Variants in SECISBP2 observed in about 807,000 individuals in gnomAD.
SECISBP2 encodes the protein SECIS binding protein 2.
Under a neutral mutation model 98.2 loss-of-function variants are expected in SECISBP2, and 96 were observed. The ratio of observed to expected loss-of-function variants is 0.98; its 90% confidence interval spans 0.83 to 1.16. The LOEUF (loss-of-function observed/expected upper bound fraction) is 1.16. Among genes scored for constraint, SECISBP2 ranks in the 50% most tolerant of loss-of-function variants. SECISBP2 has a pLI of 0.00. For missense variants in SECISBP2, 1,046 were observed against 1,022.9 expected, an observed-to-expected ratio of 1.02 and a Z score of -0.31; for synonymous variants, 407 against 370.2, an observed-to-expected ratio of 1.10 and a Z score of -1.14.
rs74628484 is a variant in SECISBP2 at position 89,341,847 on chromosome 9, C to T, written c.1435+368C>T. On this transcript the variant is annotated intron_variant, in intron 10 of 16. Coordinates refer to ENST00000375807, the MANE Select transcript of SECISBP2 (RefSeq NM_024077.5). ...AAATATAAGAGCTAAAACTATAAAACTCTTAAAAGAAAACGGGTAAATCTT... is the reference window on the plus strand; with the variant it reads ...AAATATAAGAGCTAAAACTATAAAATTCTTAAAAGAAAACGGGTAAATCTT... 7.7e-3 allele frequency among the ~76,000 whole-genome samples: 1,178 copies of T among 152,216 alleles called. 9 individuals are homozygous for T. Among genetic ancestry groups the T allele is most frequent in the South Asian group, 0.018 (87 of 4,828 alleles).
chr9:89,344,563 G>A (rs934337483), intron 10 of SECISBP2, among the ~76,000 whole-genome samples: 1 of 152,070 alleles, frequency 6.6e-6, no homozygotes, highest in African/African-American at 2.4e-5. Context: ...TATTGAATAG[G>A]GAGTCCTTTC....
chr9:89,328,781 T>C lies in SECISBP2; in HGVS notation c.696T>C (p.Asn232=), dbSNP rs374879321. The C allele has an allele frequency of 1.4e-4, 228 of 1,614,062 alleles. No homozygotes were observed. The highest frequency in any genetic ancestry group is 1.8e-4 in the Non-Finnish European group (213 of 1,179,998). ...DFPELQGAEN[N]MSEIQKQPKW... ...CTGAACTGCAAGGTGCAGAGAACAATATGTCAGAGATACAGAAGCAACCCA... is the reference window on the plus strand; with the variant it reads ...CTGAACTGCAAGGTGCAGAGAACAACATGTCAGAGATACAGAAGCAACCCA... Residue 232 remains asparagine (N), a synonymous_variant, in exon 5 of 17, where the codon AAT becomes AAC. Transcript: ENST00000375807.
intron 15 of SECISBP2, 130 bp from the exon 16 acceptor site, chr9:89,357,869 C>G: frequency 6.5e-6 from 7 of 1,070,590 alleles, no homozygotes; most frequent in Non-Finnish European, 9.9e-6. Context: ...CTGGTACCCA[C>G]CCATAAGCAT....
chr9:89,347,164 T>A, intron 11 of SECISBP2, 116 bp downstream of exon 11: 1 of 1,079,436 alleles, frequency 9.3e-7, no homozygotes, highest in South Asian at 1.4e-5. Flanking sequence ...CTTGAATATG[T>A]TGTAGTAAAA....
the SECISBP2 span, chr9:89,366,983 C>T: frequency 6.6e-6 from 1 of 152,182 alleles, no homozygotes; most frequent in African/African-American, 2.4e-5. Context: ...CCACTGACTG[C>T]AAAACCCTCA....
At chr9:89,330,767 C>T (rs779679418) in intron 5 of SECISBP2, among the ~76,000 whole-genome samples, 2 of 152,330 alleles carry the variant, frequency 1.3e-5, no homozygotes, top group East Asian at 3.9e-4. Flanking sequence ...TGAATAGCCA[C>T]GGCGCTGCCG....
rs1274102737 is a variant in SECISBP2, at chr9:89,332,971, CCTT to C, written c.867_869del (p.Ser290del). ...AACTGCTAATGCCGCTACCAATTCT[CCTT>C]CATGTACAAGAGGTAAAAGTGGCTG... On this transcript the variant is annotated inframe_deletion, in exon 6 of 17. Transcript: ENST00000375807. 3.1e-6 allele frequency: 5 copies of C among 1,613,624 alleles called. No individual in the cohort carries two copies. In the Middle Eastern group the frequency reaches 4.9e-4, roughly 159 times the overall value.
chr9:89,331,642 A>G (rs1000558654), intron 5 of SECISBP2, among the ~76,000 whole-genome samples: 1 of 152,216 alleles, frequency 6.6e-6, no homozygotes, highest in Admixed American at 6.5e-5. Context: ...TTCTGTCTTC[A>G]TAACACAGGG....
intron 4 of SECISBP2, among the ~76,000 whole-genome samples, chr9:89,327,735 A>G (rs888802885): frequency 6.6e-6 from 1 of 152,024 alleles, no homozygotes; most frequent in East Asian, 1.9e-4. Context: ...TGTGATAACA[A>G]TGCCTTATTC....
intron 1 of SECISBP2, 200 bp downstream of exon 1, chr9:89,318,812 C>T (rs1048438714): frequency 1.6e-6 from 2 of 1,271,090 alleles, no homozygotes; most frequent in Non-Finnish European, 2.0e-6. Context: ...CGGCTACAGA[C>T]CCCGCCCACA....
intron 6 of SECISBP2, chr9:89,334,022 T>C: frequency 9.4e-7 from 1 of 1,058,364 alleles, no homozygotes. Flanking sequence ...TGTCTGTATA[T>C]AGAGTTTCAT....
At chr9:89,349,721 C>T (rs1376162154) in intron 12 of SECISBP2, 55 bp from the exon 13 acceptor site, 4 of 1,600,386 alleles carry the variant, frequency 2.5e-6, no homozygotes, top group South Asian at 2.2e-5. Flanking sequence ...GCCAGCCCCT[C>T]AGTGTGTGCA....
At chr9:89,345,662 C>T (rs1830315158) in intron 10 of SECISBP2, among the ~76,000 whole-genome samples, 1 of 152,140 alleles carries the variant, frequency 6.6e-6, no homozygotes, top group Non-Finnish European at 1.5e-5. Flanking sequence ...TGAAGAGTTG[C>T]CTGGCAGTGG....
chr9:89,334,196 G>A, intron 6 of SECISBP2: 7 of 1,197,894 alleles, frequency 5.8e-6, no homozygotes, highest in Non-Finnish European at 7.3e-6. Flanking sequence ...CGTTAATTCT[G>A]TGTGCTTGCC....
At chr9:89,347,394 G>A (rs1014702796) in intron 11 of SECISBP2, among the ~76,000 whole-genome samples, 4 of 150,954 alleles carry the variant, frequency 2.6e-5, no homozygotes, top group Middle Eastern at 3.5e-3. Flanking sequence ...TTCTGATGTT[G>A]AGAGTCAGTG....
chr9:89,352,456 T>G (rs1831430672), intron 14 of SECISBP2, among the ~76,000 whole-genome samples: 1 of 152,214 alleles, frequency 6.6e-6, no homozygotes. Flanking sequence ...TTGAAGGTCT[T>G]GCTTGAAATC....
chr9:89,341,785 C>A lies in SECISBP2; in HGVS notation c.1435+306C>A, dbSNP rs577730052. On this transcript the variant is annotated intron_variant, in intron 10 of 16. Coordinates refer to ENST00000375807, the MANE Select transcript of SECISBP2 (RefSeq NM_024077.5). The stretch of plus-strand genomic sequence containing the variant: ...AATAGTCATACCTCCTACCTCACAC[C>A]ATAGATCCAAATGAACTCAAAATGA... Among the ~76,000 whole-genome samples, 3 of 152,248 alleles carry A rather than the reference C, an allele frequency of 2.0e-5. No individual in the cohort carries two copies. In the East Asian group the frequency reaches 5.8e-4, roughly 29 times the overall value.
intron 7 of SECISBP2, among the ~76,000 whole-genome samples, chr9:89,337,932 A>G (rs1332499978): frequency 6.6e-6 from 1 of 152,234 alleles, no homozygotes; most frequent in Non-Finnish European, 1.5e-5. Context: ...CTTCAGTGCA[A>G]AGGCCCTGTG....
intron 2 of SECISBP2, among the ~76,000 whole-genome samples, chr9:89,320,409 G>A (rs1162001266): frequency 6.7e-6 from 1 of 150,338 alleles, no homozygotes; most frequent in Non-Finnish European, 1.5e-5. Context: ...TTGTTCATAT[G>A]GTTTAAAAAT....
Sources: gnomAD v4.1 joint callset for allele counts (sites outside exome capture counted in the v4.1 genomes callset) on GRCh38, gnomAD v4.1.1 for gene constraint, MANE v1.5 for transcripts, NCBI Gene and HGNC (gene_info 2026-07-23, HGNC 2026-07-21) for gene names.